Variants in SEC24C observed in about 807,000 individuals in gnomAD.
SEC24C encodes SEC24 homolog C, COPII component, also known as protein transport protein Sec24C.
SEC24C carries 22 observed loss-of-function variants against 117.0 expected under a neutral mutation model. The ratio of observed to expected loss-of-function variants is 0.19; its 90% CI spans 0.13 to 0.27. The LOEUF is 0.27. Among genes scored for constraint, SEC24C ranks in the 10% least tolerant of loss-of-function variants. SEC24C has a pLI of 1.00. For synonymous variants in SEC24C, 506 were observed against 529.4 expected (o/e 0.96, Z 0.61); for missense variants, 1,155 against 1,375.1 (o/e 0.84, Z 2.53).
chr10:73,764,013 GA>G (rs2132560805), intron 8 of SEC24C, 30 bp downstream of exon 8: 2 of 1,554,708 alleles, frequency 1.3e-6, no homozygotes, highest in African/African-American at 2.7e-5. Flanking sequence ...AGAGTGTAAT[GA>G]AAGGGAGGGA....
At chr10:73,755,140 CAAAA>C (rs981380004) in intron 3 of SEC24C, among the ~76,000 whole-genome samples, 1 of 143,396 alleles carries the variant, frequency 7.0e-6, no homozygotes, top group Non-Finnish European at 1.5e-5. Flanking sequence ...CTCAAACAAA[CAAAA>C]AAAAAACAAA....
Position 73,765,603 on chromosome 10 carries a change from A to C in SEC24C, c.1366+14A>C. On this transcript the variant is annotated intron_variant, in intron 9 of 22. Coordinates refer to ENST00000345254, the MANE Select transcript of SEC24C (RefSeq NM_198597.3). ...GTATCAATGATGGTATGTTCATGGA[A>C]GCTGGGATTTGGGGGAAGGTCTTGA... 1 of 1,610,506 alleles carries C rather than the reference A, an allele frequency of 6.2e-7. No homozygotes were observed. Among genetic ancestry groups the C allele is most frequent in the South Asian group, 1.1e-5 (1 of 91,032 alleles).
rs2082939617 is a variant in SEC24C at position 73,769,481 on chromosome 10, G to A, written c.2559G>A (p.Lys853=). 1.9e-6 allele frequency: 3 copies of A among 1,614,238 alleles called. No homozygotes were observed. The highest frequency in any genetic ancestry group is 1.6e-4 in the Middle Eastern group (1 of 6,062). ...ACACGCTCATCAACTACATGGCCAA[G>A]TTTGGTGAGGGTAGAAGCAGGGCAG... ...ETDTLINYMA[K]FAYRGVLNSP... Residue 853 remains lysine (K), a synonymous_variant, in exon 18 of 23, where the codon AAG becomes AAA. Coordinates refer to ENST00000345254, the MANE Select transcript of SEC24C (RefSeq NM_198597.3). This position sits in a 1 kb window ranked among gnomAD's most constrained non-coding sequence, Gnocchi z 4.5.
intron 3 of SEC24C, among the ~76,000 whole-genome samples, chr10:73,758,406 T>C (rs960218441): frequency 6.6e-6 from 1 of 152,244 alleles, no homozygotes; most frequent in African/African-American, 2.4e-5. Context: ...CTGTTTAAAG[T>C]GTTTTTGTAT....
chr10:73,764,036 G>A (rs1354569105), intron 8 of SEC24C, 53 bp downstream of exon 8: 1 of 1,526,842 alleles, frequency 6.5e-7, no homozygotes, highest in African/African-American at 1.4e-5. Context: ...GTAGAGAGGG[G>A]TCTAAAGCGT....
Position 73,769,679 on chromosome 10 carries a change from C to T in SEC24C, c.2628C>T (p.Ala876=), listed in dbSNP as rs1469159254. Residue 876 remains alanine, a synonymous_variant, in exon 19 of 23, where the codon GCC becomes GCT. Coordinates refer to ENST00000345254, the MANE Select transcript of SEC24C (RefSeq NM_198597.3). This position sits in a 1 kb window ranked among gnomAD's most constrained non-coding sequence, Gnocchi z 4.5. ...AVRDTLITQC[A]QILACYRKNC... ...GTGACACGCTCATCACCCAGTGTGCCCAGATCCTGGCCTGTTACAGAAAGA... is the reference window on the plus strand; with the variant it reads ...GTGACACGCTCATCACCCAGTGTGCTCAGATCCTGGCCTGTTACAGAAAGA... 1 of 1,614,194 alleles carries T rather than the reference C, an allele frequency of 6.2e-7. No homozygotes were observed. Among genetic ancestry groups the T allele is most frequent in the Non-Finnish European group, 8.5e-7 (1 of 1,180,040 alleles).
At position 73,746,961 on chromosome 10, in the gene SEC24C, C is replaced by T; in HGVS notation, c.129C>T (p.Ala43=). 1.2e-6 allele frequency: 2 copies of T among 1,613,960 alleles called. No homozygotes were observed. Among genetic ancestry groups the T allele is most frequent in the African/African-American group, 1.3e-5 (1 of 75,048 alleles). ...CAGCCCCCGCCATTCCCTATGGAGCCTACAATGGCCCAGTACCAGGCTATC... is the reference window on the plus strand; with the variant it reads ...CAGCCCCCGCCATTCCCTATGGAGCTTACAATGGCCCAGTACCAGGCTATC... The part of the protein sequence containing the change: ...GSTAPAIPYG[A]YNGPVPGYQQ... Residue 43 remains alanine (A), a synonymous_variant, in exon 2 of 23, where the codon GCC becomes GCT. Coordinates refer to ENST00000345254, the MANE Select transcript of SEC24C (RefSeq NM_198597.3).
At position 73,771,460 on chromosome 10, in the gene SEC24C, A is replaced by G; in HGVS notation, c.*365A>G. The G allele has an allele frequency of 4.6e-6, 1 of 219,560 alleles. No homozygotes were observed. The highest frequency in any genetic ancestry group is 5.2e-5 in the Admixed American group (1 of 19,228). The allele number at this position is 219,560 out of a possible 1,614,324, so 13.6% of individuals were successfully genotyped here. ...CCAAGAGGAGAGGGGCAGGCAGGAA[A>G]GAGTGGGGATCCTAAGGTTACTACA... On this transcript the variant is annotated 3_prime_UTR_variant, in exon 23 of 23. Transcript: ENST00000345254.
At chr10:73,747,784 C>T (rs970677837) in intron 2 of SEC24C, among the ~76,000 whole-genome samples, 1 of 151,080 alleles carries the variant, frequency 6.6e-6, no homozygotes, top group Non-Finnish European at 1.5e-5. Flanking sequence ...CTCAGCCTCC[C>T]GAATAACTGG....
intron 8 of SEC24C, among the ~76,000 whole-genome samples, chr10:73,764,818 A>G (rs1286927123): frequency 6.6e-6 from 1 of 152,228 alleles, no homozygotes; most frequent in Admixed American, 6.5e-5. Context: ...CCTTGGTAGG[A>G]TACTCATATT....
At chr10:73,757,105 A>T (rs1481169440) in intron 3 of SEC24C, among the ~76,000 whole-genome samples, 1 of 141,252 alleles carries the variant, frequency 7.1e-6, no homozygotes, top group South Asian at 2.3e-4. Context: ...GTAGAGATGG[A>T]GTTTCACCAT....
chr10:73,764,072 C>A, intron 8 of SEC24C, 89 bp downstream of exon 8: 2 of 1,444,008 alleles, frequency 1.4e-6, no homozygotes, highest in South Asian at 2.7e-5. Flanking sequence ...TCCAGCTTCA[C>A]AATGGAAGAT....
At chr10:73,745,461 A>G (rs2082532450) in intron 1 of SEC24C, among the ~76,000 whole-genome samples, 1 of 151,586 alleles carries the variant, frequency 6.6e-6, no homozygotes, top group Non-Finnish European at 1.5e-5. Flanking sequence ...TGATTCTTGA[A>G]CTGTTTCCTC....
chr10:73,771,205 TGGG>T lies in SEC24C; in HGVS notation c.*114_*116del. 7.8e-7 allele frequency: 1 copy of T among 1,283,032 alleles called. No homozygotes were observed. The highest frequency in any genetic ancestry group is 1.4e-5 in the South Asian group (1 of 70,456). The allele number at this position is 1,283,032 out of a possible 1,614,324, so 79.5% of individuals were successfully genotyped here. On this transcript the variant is annotated 3_prime_UTR_variant, in exon 23 of 23. Coordinates refer to ENST00000345254, the MANE Select transcript of SEC24C (RefSeq NM_198597.3). ...TTATGTAAGCTGACCTCAGTCTCTC[TGGG>T]GGGAGGGGGAGATATAAGGAGACAC...
At chr10:73,747,098 G>T in intron 2 of SEC24C, 94 bp downstream of exon 2, 5 of 1,225,042 alleles carry the variant, frequency 4.1e-6, no homozygotes, top group Non-Finnish European at 5.5e-6. Context: ...TACCTGAGAA[G>T]TTTGGATAAC....
Position 73,759,669 on chromosome 10 carries a change from A to G in SEC24C, c.356A>G (p.Asn119Ser). ...GGGTCCCCATTGGCCCCTGTGGGCAACCAGCCACCTGTGCTTCAGCCCTAT... is the reference window on the plus strand; with the variant it reads ...GGGTCCCCATTGGCCCCTGTGGGCAGCCAGCCACCTGTGCTTCAGCCCTAT... ...PFGSPLAPVGNQPPVLQPYGP... is the reference protein window; with the variant it reads ...PFGSPLAPVGSQPPVLQPYGP... Residue 119 changes from asparagine (N) to serine (S), a missense_variant, in exon 4 of 23, where the codon AAC becomes AGC. Physicochemically the swap from Asn to Ser is conservative, Grantham distance 46 (BLOSUM62 1). This residue lies in a region of SEC24C where 396 missense variants were observed against 382.8 expected (regional missense o/e 1.03). Transcript: ENST00000345254. The G allele has an allele frequency of 6.3e-7, 1 of 1,578,678 alleles. No homozygotes were observed.
chr10:73,763,582 C>A lies in SEC24C; in HGVS notation c.1080C>A (p.Asn360Lys). Reference protein sequence around the residue: ...RGQVPPLVTTNFLVKDQGNAS... With the variant: ...RGQVPPLVTTKFLVKDQGNAS... ...AGGTGCCACCCTTAGTCACTACCAACTTCCTGGTGAAAGACCAAGGTGAGA... is the reference window on the plus strand; with the variant it reads ...AGGTGCCACCCTTAGTCACTACCAAATTCCTGGTGAAAGACCAAGGTGAGA... The change falls in exon 7 of 23, where the codon AAC (asparagine) becomes AAA (lysine). Residue 360 changes from asparagine to lysine, a missense_variant. Asn to Lys is a moderately conservative substitution (Grantham distance 94, BLOSUM62 0). This residue lies in a region of SEC24C where 759 missense variants were observed against 992.3 expected (regional missense o/e 0.76). Coordinates refer to ENST00000345254, the MANE Select transcript of SEC24C (RefSeq NM_198597.3). 6.3e-7 allele frequency: 1 copy of A among 1,585,504 alleles called. No individual in the cohort carries two copies. The highest frequency in any genetic ancestry group is 8.6e-7 in the Non-Finnish European group (1 of 1,162,390).
rs767944937 is a variant in SEC24C at position 73,746,809 on chromosome 10, G to C, written c.-24G>C. 3.2e-6 allele frequency: 5 copies of C among 1,586,672 alleles called. No individual in the cohort carries two copies. In the South Asian group the frequency reaches 5.7e-5, roughly 18 times the overall value. On this transcript the variant is annotated 5_prime_UTR_variant, in exon 2 of 23. Transcript: ENST00000345254. ...AATTTCTCCTCTCTCTCACAGGTGAGATCAAATTGGGAATGCTTTCATAAT... is the reference window on the plus strand; with the variant it reads ...AATTTCTCCTCTCTCTCACAGGTGACATCAAATTGGGAATGCTTTCATAAT...
chr10:73,770,569 A>C, intron 21 of SEC24C, 98 bp downstream of exon 21: 2 of 1,519,360 alleles, frequency 1.3e-6, no homozygotes, highest in Non-Finnish European at 1.8e-6. Flanking sequence ...CTCAAATATC[A>C]GGGAACACTT....
Sources: gnomAD v4.1 joint callset for allele counts (sites outside exome capture counted in the v4.1 genomes callset) on GRCh38, gnomAD v4.1.1 for gene constraint, gnomAD v4.1.1 regional missense constraint, Gnocchi (gnomAD v3.1) non-coding constraint, MANE v1.5 for transcripts, NCBI Gene and HGNC (gene_info 2026-07-23, HGNC 2026-07-21) for gene names.